ABLIM1: variants seen among roughly 807,000 people sequenced by gnomAD.
The protein encoded by ABLIM1 is actin binding LIM protein 1, also known as actin-binding LIM protein 1.
A neutral mutation model predicts 107.0 loss-of-function variants in ABLIM1; 40 were observed. The observed-to-expected ratio is 0.37, with a 90% confidence interval of 0.29 to 0.49. The LOEUF is 0.49. ABLIM1 is among the 20% of genes least tolerant of loss of function. The pLI is 0.97. For synonymous variants in ABLIM1, 357 were observed against 357.3 expected, an observed-to-expected ratio of 1.00 and a Z score of 0.01; for missense variants, 857 against 1,008.5, an observed-to-expected ratio of 0.85 and a Z score of 2.04.
chr10:114,569,730 C>T (rs2071366114), intron 4 of ABLIM1, among the ~76,000 whole-genome samples: 2 of 152,196 alleles, frequency 1.3e-5, no homozygotes, highest in South Asian at 4.1e-4. Flanking sequence ...CTAACTGTAT[C>T]TCTTGTGTTT....
At chr10:114,500,981 G>A (rs1258607154) in intron 6 of ABLIM1, among the ~76,000 whole-genome samples, 1 of 152,134 alleles carries the variant, frequency 6.6e-6, no homozygotes, top group Non-Finnish European at 1.5e-5. Flanking sequence ...ACAAGAAGGT[G>A]TTCTAGAAGT....
chr10:114,697,928 C>G (rs1160785888), intron 1 of ABLIM1, among the ~76,000 whole-genome samples: 1 of 152,066 alleles, frequency 6.6e-6, no homozygotes, highest in African/African-American at 2.4e-5. Context: ...CTGAAGATTA[C>G]ATTTTAGAGA....
At chr10:114,455,905 T>C (rs1048631336) in intron 12 of ABLIM1, among the ~76,000 whole-genome samples, 27 of 151,246 alleles carry the variant, frequency 1.8e-4, no homozygotes, top group Non-Finnish European at 3.8e-4. Flanking sequence ...CTCCGCCTCC[T>C]GGGTTCACGC....
chr10:114,724,870 C>CA (rs899652644), intron 1 of ABLIM1, among the ~76,000 whole-genome samples: 6 of 152,212 alleles, frequency 3.9e-5, no homozygotes, highest in Non-Finnish European at 8.8e-5. Flanking sequence ...TCCTTGACCA[C>CA]ACCAGGCAGA....
At chr10:114,753,066 C>T (rs992944859) in intron 1 of ABLIM1, among the ~76,000 whole-genome samples, 2 of 152,168 alleles carry the variant, frequency 1.3e-5, no homozygotes, top group Admixed American at 6.5e-5. Flanking sequence ...AAAATTAATC[C>T]TGTAACAGGC....
At chr10:114,535,471 C>T (rs898567414) in intron 6 of ABLIM1, among the ~76,000 whole-genome samples, 2 of 152,108 alleles carry the variant, frequency 1.3e-5, no homozygotes, top group East Asian at 1.9e-4. Flanking sequence ...CCACCATGCC[C>T]GGCTAATTTT....
At chr10:114,438,044 C>A in intron 21 of ABLIM1, 120 bp from the exon 22 acceptor site, 2 of 908,226 alleles carry the variant, frequency 2.2e-6, no homozygotes, top group Admixed American at 2.3e-5. Flanking sequence ...TGACAGAATT[C>A]GAGTGATGGG....
chr10:114,659,821 G>A (rs1436468038), upstream of ABLIM1, among the ~76,000 whole-genome samples: 44 of 152,174 alleles, frequency 2.9e-4, no homozygotes, highest in Admixed American at 2.9e-3. Context: ...GGACAATGCA[G>A]AGAGCCTAGG....
chr10:114,570,636 T>C (rs902588715), intron 4 of ABLIM1, among the ~76,000 whole-genome samples: 2 of 142,202 alleles, frequency 1.4e-5, no homozygotes, highest in Non-Finnish European at 3.0e-5. Flanking sequence ...ATGGTCTAGC[T>C]TTGTCACACA....
chr10:114,759,553 C>T (rs913047032), intron 1 of ABLIM1, among the ~76,000 whole-genome samples: 3 of 152,144 alleles, frequency 2.0e-5, no homozygotes, highest in Non-Finnish European at 4.4e-5. Context: ...ATGCTAAACG[C>T]TGTTAGTCTC....
At chr10:114,603,769 C>T (rs186511368) in intron 1 of ABLIM1, among the ~76,000 whole-genome samples, 2 of 151,844 alleles carry the variant, frequency 1.3e-5, no homozygotes, top group African/African-American at 2.4e-5. Flanking sequence ...GCCTGGCCAA[C>T]ACGGTGAAAC....
chr10:114,551,632 C>A (rs866219402), intron 4 of ABLIM1, among the ~76,000 whole-genome samples: 2 of 152,368 alleles, frequency 1.3e-5, no homozygotes, highest in Non-Finnish European at 1.5e-5. Flanking sequence ...CATGACCAAC[C>A]AGAGGCTGAA....
At chr10:114,737,111 G>A (rs751502375) in intron 1 of ABLIM1, among the ~76,000 whole-genome samples, 2 of 150,146 alleles carry the variant, frequency 1.3e-5, no homozygotes, top group Non-Finnish European at 3.0e-5. Flanking sequence ...ATCACTTGAG[G>A]CCAGGAGTTC....
At chr10:114,763,863 G>C (rs1043682125) in intron 1 of ABLIM1, among the ~76,000 whole-genome samples, 32 of 152,140 alleles carry the variant, frequency 2.1e-4, no homozygotes, top group Non-Finnish European at 1.0e-4. Context: ...TGAATATTCT[G>C]ATTTAGTAGC....
the ABLIM1 span, among the ~76,000 whole-genome samples, chr10:114,798,318 A>G: frequency 6.6e-6 from 1 of 151,974 alleles, no homozygotes; most frequent in African/African-American, 2.4e-5. Context: ...CTACTTACTC[A>G]GAGGCTGAGG....
At chr10:114,659,763 G>A (rs1328372189), upstream of ABLIM1, among the ~76,000 whole-genome samples, 1 of 152,154 alleles carries the variant, frequency 6.6e-6, no homozygotes, top group Non-Finnish European at 1.5e-5. Context: ...ATCTACGCCA[G>A]CCTTTAAGAT....
In ABLIM1 at chr10:114,565,996, C is replaced by T. The variant is rs192686321; in HGVS notation, c.673+5301G>A. Among the ~76,000 whole-genome samples the T allele has an allele frequency of 3.7e-3, 558 of 151,972 alleles. 3 individuals carry two copies. The highest frequency in any genetic ancestry group is 4.4e-3 in the Non-Finnish European group (301 of 67,952). The stretch of plus-strand genomic sequence containing the variant: ...ATTTTTAGTAGAGATGGGGTTTCAC[C>T]GTGTTAGCCAGGATGGTCTCTATCT... On this transcript the variant is annotated intron_variant, in intron 4 of 22. Coordinates refer to ENST00000533213, the MANE Select transcript of ABLIM1 (RefSeq NM_002313.7).
At chr10:114,569,041 A>C (rs908610845) in intron 4 of ABLIM1, among the ~76,000 whole-genome samples, 10 of 152,198 alleles carry the variant, frequency 6.6e-5, no homozygotes, top group Non-Finnish European at 1.3e-4. Flanking sequence ...CTTAAACCAA[A>C]CAATGAAGAG....
intron 8 of ABLIM1, among the ~76,000 whole-genome samples, chr10:114,478,957 T>G (rs563044588): frequency 1.3e-5 from 2 of 152,330 alleles, no homozygotes; most frequent in South Asian, 4.1e-4. Flanking sequence ...ATAAAACACA[T>G]CTATGTATTT....
Sources: allele counts gnomAD v4.1 joint callset (sites outside exome capture counted in the v4.1 genomes callset), GRCh38; gene constraint gnomAD v4.1.1; transcripts MANE v1.5; gene names NCBI Gene and HGNC (gene_info 2026-07-23, HGNC 2026-07-21).